The following PRKN variants were observed in gnomAD, a reference collection of about 807,000 sequenced individuals.
The protein encoded by PRKN is parkin RBR E3 ubiquitin protein ligase.
In PRKN, 56 loss-of-function variants were observed where a neutral mutation model predicts 59.5. The ratio of observed to expected loss-of-function variants is 0.94; its 90% CI spans 0.76 to 1.18. The LOEUF (loss-of-function observed/expected upper bound fraction) is 1.18. PRKN is among the 50% of genes most tolerant of loss of function. The pLI, the probability that PRKN is intolerant of heterozygous loss-of-function variation, is 0.00. For synonymous variants in PRKN, 250 were observed against 222.1 expected, an observed-to-expected ratio of 1.13 and a Z score of -1.12; for missense variants, 657 against 596.4, an observed-to-expected ratio of 1.10 and a Z score of -1.06.
intron 4 of PRKN, among the ~76,000 whole-genome samples, chr6:162,148,949 T>C (rs1229442034): frequency 6.6e-6 from 1 of 152,196 alleles, no homozygotes; most frequent in Non-Finnish European, 1.5e-5. Context: ...TGGTTGCTCA[T>C]ATGTGTGGCC....
At chr6:161,865,056 C>T (rs1794059432) in intron 6 of PRKN, among the ~76,000 whole-genome samples, 1 of 152,164 alleles carries the variant, frequency 6.6e-6, no homozygotes, top group Admixed American at 6.5e-5. Context: ...ACTTCTTGAT[C>T]CATGGGCTGC....
chr6:162,510,499 G>A (rs1777554968), intron 1 of PRKN, among the ~76,000 whole-genome samples: 1 of 152,206 alleles, frequency 6.6e-6, no homozygotes, highest in Non-Finnish European at 1.5e-5. Flanking sequence ...CACCGAGGAA[G>A]CAGGGACTGC....
intron 1 of PRKN, among the ~76,000 whole-genome samples, chr6:162,445,779 T>C (rs1194067210): frequency 1.4e-5 from 2 of 144,790 alleles, no homozygotes; most frequent in African/African-American, 5.2e-5. Context: ...AAAGGCTTTA[T>C]GACATAAATC....
chr6:162,203,072 AAG>A (rs1412462503), intron 3 of PRKN, among the ~76,000 whole-genome samples: 1 of 152,200 alleles, frequency 6.6e-6, no homozygotes, highest in African/African-American at 2.4e-5. Context: ...GCATATTAGC[AAG>A]AGTTTTACAA....
chr6:162,334,829 T>G, intron 2 of PRKN, among the ~76,000 whole-genome samples: 1 of 152,080 alleles, frequency 6.6e-6, no homozygotes, highest in East Asian at 1.9e-4. Context: ...GGTCAAAATA[T>G]CAATATGAAC....
intron 2 of PRKN, among the ~76,000 whole-genome samples, chr6:162,375,681 T>C (rs984553802): frequency 3.3e-5 from 5 of 151,874 alleles, no homozygotes; most frequent in African/African-American, 1.2e-4. Context: ...ACTTACAAAA[T>C]GGTTTTGAAA....
At chr6:162,242,173 G>C (rs2128092029) in intron 3 of PRKN, among the ~76,000 whole-genome samples, 1 of 152,200 alleles carries the variant, frequency 6.6e-6, no homozygotes, top group Middle Eastern at 3.4e-3. Context: ...CTGGTATTCA[G>C]AGCAAAATAT....
chr6:161,514,335 G>A (rs991820538), intron 9 of PRKN, among the ~76,000 whole-genome samples: 30 of 152,116 alleles, frequency 2.0e-4, no homozygotes, highest in African/African-American at 7.2e-4. Flanking sequence ...ATGATCTTGA[G>A]AAACAAACCG....
At chr6:162,256,176 T>C (rs1021197034) in intron 3 of PRKN, among the ~76,000 whole-genome samples, 2 of 152,148 alleles carry the variant, frequency 1.3e-5, no homozygotes, top group Non-Finnish European at 2.9e-5. Context: ...TGTGAAATTA[T>C]CAAAAAGTAC....
At chr6:161,887,420 G>C (rs1258657736) in intron 6 of PRKN, among the ~76,000 whole-genome samples, 1 of 152,124 alleles carries the variant, frequency 6.6e-6, no homozygotes, top group Non-Finnish European at 1.5e-5. Flanking sequence ...CTGCTAGTTG[G>C]AATAAAATAG....
At chr6:161,605,307 G>A (rs1782238297) in intron 7 of PRKN, among the ~76,000 whole-genome samples, 1 of 152,092 alleles carries the variant, frequency 6.6e-6, no homozygotes, top group Admixed American at 6.5e-5. Flanking sequence ...ACCCGTATGT[G>A]TATATGTGCA....
In PRKN at chr6:161,672,724, C is replaced by T. The variant is rs1433339531; in HGVS notation, c.872-103308G>A. Reference sequence around the variant, plus strand: ...CCGGGAGGTGGAGGTTGCAGTAAGCCGAGATCACACCACTGCACTCCAGCC... The same window carrying T: ...CCGGGAGGTGGAGGTTGCAGTAAGCTGAGATCACACCACTGCACTCCAGCC... On this transcript the variant is annotated intron_variant, in intron 7 of 11. Coordinates refer to ENST00000366898, the MANE Select transcript of PRKN (RefSeq NM_004562.3). Among the ~76,000 whole-genome samples the T allele has an allele frequency of 5.3e-5, 8 of 151,788 alleles. No individual in the cohort carries two copies. The East Asian group carries it at 9.7e-4, about 18-fold the overall frequency.
chr6:161,958,248 G>A (rs1780254390), intron 6 of PRKN, among the ~76,000 whole-genome samples: 4 of 152,128 alleles, frequency 2.6e-5, no homozygotes, highest in African/African-American at 9.7e-5. Context: ...TTGTACTGTG[G>A]TTAAATTTTT....
chr6:161,699,594 A>G (rs890708851), intron 7 of PRKN, among the ~76,000 whole-genome samples: 3 of 152,204 alleles, frequency 2.0e-5, no homozygotes, highest in African/African-American at 7.2e-5. Flanking sequence ...GGCTGAGTAT[A>G]AAAAGCCAGA....
At position 161,559,875 on chromosome 6, in the gene PRKN, A is replaced by G. The variant is rs76418403; in HGVS notation, c.933+9480T>C. Among the ~76,000 whole-genome samples the G allele has an allele frequency of 5.5e-3, 832 of 152,296 alleles. 4 individuals carry two copies. The highest frequency in any genetic ancestry group is 0.019 in the African/African-American group (794 of 41,558). On this transcript the variant is annotated intron_variant, in intron 8 of 11. Transcript: ENST00000366898. ...TGTATTAGATGGCTTCATATTTATA[A>G]CTATCTGAAATGGACAAGCCTCTAA...
chr6:161,925,312 G>C (rs1245690629), intron 6 of PRKN, among the ~76,000 whole-genome samples: 4 of 152,120 alleles, frequency 2.6e-5, no homozygotes, highest in Admixed American at 6.5e-5. Context: ...TGGTTCAGGT[G>C]TGTAATCCCA....
chr6:161,913,265 A>T (rs1242681855), intron 6 of PRKN, among the ~76,000 whole-genome samples: 1 of 152,168 alleles, frequency 6.6e-6, no homozygotes, highest in Admixed American at 6.5e-5. Flanking sequence ...AAATCAGCAA[A>T]CTGGGAAAAG....
intron 1 of PRKN, among the ~76,000 whole-genome samples, chr6:162,555,008 G>A (rs1056233180): frequency 3.3e-5 from 5 of 152,002 alleles, no homozygotes; most frequent in African/African-American, 7.3e-5. Flanking sequence ...CCTTTTATAC[G>A]CAATGGACTA....
chr6:162,276,135 A>G (rs1369881151), intron 2 of PRKN, among the ~76,000 whole-genome samples: 2 of 152,202 alleles, frequency 1.3e-5, no homozygotes, highest in Middle Eastern at 3.2e-3. Flanking sequence ...CGTTTTTTAA[A>G]GATAAAATAC....
Sources: gnomAD v4.1 joint callset for allele counts (sites outside exome capture counted in the v4.1 genomes callset) on GRCh38, gnomAD v4.1.1 for gene constraint, MANE v1.5 for transcripts, NCBI Gene and HGNC (gene_info 2026-07-23, HGNC 2026-07-21) for gene names.